Variants in PPEF1 observed in about 807,000 individuals in gnomAD.
PPEF1 encodes the protein protein phosphatase with EF-hand domain 1, also known as serine/threonine-protein phosphatase with EF-hands 1.
PPEF1 carries 12 observed loss-of-function variants against 53.3 expected under a neutral mutation model. That is an observed-to-expected ratio of 0.23 (90% CI 0.14 to 0.36). The LOEUF (loss-of-function observed/expected upper bound fraction) is 0.36. Among genes scored for constraint, PPEF1 ranks in the 10% least tolerant of loss-of-function variants. The pLI, the probability that PPEF1 is intolerant of heterozygous loss-of-function variation, is 1.00. For missense variants in PPEF1, 334 were observed against 490.4 expected (o/e 0.68, Z 3.01); for synonymous variants, 165 against 176.7 (o/e 0.93, Z 0.52).
chrX:18,799,350 G>A (rs753543629), intron 10 of PPEF1, among the ~76,000 whole-genome samples: 1 of 111,599 alleles, frequency 9.0e-6, no homozygotes, highest in East Asian at 2.8e-4. Context: ...AGGTTGCAGT[G>A]AGCTGAGATC....
chrX:18,728,758 G>C (rs1430980981), intron 1 of PPEF1, among the ~76,000 whole-genome samples: 1 of 111,495 alleles, frequency 9.0e-6, no homozygotes, highest in African/African-American at 3.3e-5. Context: ...AGACGACCAG[G>C]TCCTGGGATA....
At chrX:18,755,735 A>G (rs2045535605) in intron 4 of PPEF1, among the ~76,000 whole-genome samples, 2 of 111,242 alleles carry the variant, frequency 1.8e-5, no homozygotes, top group South Asian at 3.8e-4. Context: ...CCCTGGCAAT[A>G]CTAATTTACC....
chrX:18,676,351 CCA>C (rs1396457228), intron 1 of PPEF1, among the ~76,000 whole-genome samples: 3 of 108,421 alleles, frequency 2.8e-5, no homozygotes, highest in African/African-American at 1.0e-4. Flanking sequence ...GTAATCCCCC[CCA>C]CACACACACC....
intron 2 of PPEF1, 101 bp downstream of exon 2, chrX:18,730,409 T>G: frequency 1.0e-6 from 1 of 979,994 alleles, no homozygotes; most frequent in Middle Eastern, 2.8e-4. Flanking sequence ...CTGAGGAAGC[T>G]TGGTGAAAGG....
intron 1 of PPEF1, among the ~76,000 whole-genome samples, chrX:18,714,124 A>G (rs2044388495): frequency 9.0e-6 from 1 of 111,644 alleles, no homozygotes; most frequent in African/African-American, 3.3e-5. Flanking sequence ...TTTCCTGATT[A>G]CTAACCATAT....
rs187995867 is a variant in PPEF1 at position 18,745,427 on chromosome X, T to C, written c.236-4365T>C. On this transcript the variant is annotated intron_variant, in intron 3 of 15. Coordinates refer to ENST00000470157, the MANE Select transcript of PPEF1 (RefSeq NM_001377996.1). ...GGTTTTGCCATGTTGCCCAGGCTTG[T>C]CTCGAACTCCTGGACTCAAGCAATT... Among the ~76,000 whole-genome samples, 727 of 107,383 alleles carry C rather than the reference T, an allele frequency of 6.8e-3. 7 individuals carry two copies. The highest frequency in any genetic ancestry group is 0.023 in the African/African-American group (686 of 29,576). 93.2% of individuals were successfully genotyped at this position (107,383 alleles called of 115,157 possible).
chrX:18,821,815 C>T (rs1019880730), intron 13 of PPEF1, among the ~76,000 whole-genome samples: 3 of 98,851 alleles, frequency 3.0e-5, no homozygotes, highest in Non-Finnish European at 4.0e-5. Flanking sequence ...AAACAAATAA[C>T]CAGTGCAAGT....
At chrX:18,720,005 T>A (rs1291279073) in intron 1 of PPEF1, among the ~76,000 whole-genome samples, 1 of 111,824 alleles carries the variant, frequency 8.9e-6, no homozygotes, top group Non-Finnish European at 1.9e-5. Context: ...ATGAGACAGA[T>A]GAGCACCACA....
chrX:18,728,580 A>G (rs1285585306), intron 1 of PPEF1, among the ~76,000 whole-genome samples: 1 of 111,318 alleles, frequency 9.0e-6, no homozygotes, highest in East Asian at 2.8e-4. Flanking sequence ...TCATTTGTAT[A>G]TTATAACACC....
At chrX:18,764,807 G>A (rs892975013) in intron 6 of PPEF1, among the ~76,000 whole-genome samples, 6 of 111,641 alleles carry the variant, frequency 5.4e-5, no homozygotes, top group Non-Finnish European at 1.1e-4. Context: ...AATCGGGAAC[G>A]TAGTCACTAA....
chrX:18,684,039 C>A (rs1231328961), intron 1 of PPEF1, among the ~76,000 whole-genome samples: 1 of 112,341 alleles, frequency 8.9e-6, no homozygotes, highest in African/African-American at 3.2e-5. Context: ...TCACCCGTAG[C>A]TCTCTCCTGT....
chrX:18,811,501 T>C, intron 12 of PPEF1, among the ~76,000 whole-genome samples: 1 of 109,403 alleles, frequency 9.1e-6, no homozygotes, highest in Non-Finnish European at 1.9e-5. Flanking sequence ...AAATATTATA[T>C]TTCAGGTACA....
At chrX:18,736,393 G>GT (rs2044982159) in intron 3 of PPEF1, among the ~76,000 whole-genome samples, 1 of 112,049 alleles carries the variant, frequency 8.9e-6, no homozygotes, top group African/African-American at 3.2e-5. Context: ...TAATCGTGTG[G>GT]TTTTTGTCTT....
At chrX:18,699,198 C>T (rs1326844030) in intron 5 of PPEF1, among the ~76,000 whole-genome samples, 2 of 111,265 alleles carry the variant, frequency 1.8e-5, no homozygotes. Flanking sequence ...CGTATTGCCT[C>T]ATAATGAGGC....
rs779341402 is a variant in PPEF1 at position 18,805,699 on chromosome X, T to G, written c.1252-704T>G. On this transcript the variant is annotated intron_variant, in intron 11 of 15. Coordinates refer to ENST00000470157, the MANE Select transcript of PPEF1 (RefSeq NM_001377996.1). ...CTCTACTAAAAATACAAAAATTAGC[T>G]GGGCGTGGTGGCACACACCTGTAGT... Among the ~76,000 whole-genome samples the G allele has an allele frequency of 1.6e-4, 17 of 109,477 alleles. No individual in the cohort carries two copies. The South Asian group carries it at 6.4e-3, about 41-fold the overall frequency.
intron 3 of PPEF1, among the ~76,000 whole-genome samples, chrX:18,734,450 G>A (rs781168351): frequency 4.5e-5 from 5 of 110,270 alleles, no homozygotes; most frequent in South Asian, 7.9e-4. Flanking sequence ...CCTACAAAGG[G>A]CATGAACTCA....
intron 6 of PPEF1, among the ~76,000 whole-genome samples, chrX:18,767,226 G>A (rs1005794947): frequency 9.0e-6 from 1 of 111,487 alleles, no homozygotes. Context: ...GGCCAAGAGA[G>A]TTTCAAGTTA....
At chrX:18,782,531 C>T (rs2046108703) in intron 8 of PPEF1, 129 bp downstream of exon 8, 1 of 469,492 alleles carries the variant, frequency 2.1e-6, no homozygotes, top group East Asian at 4.1e-5. Flanking sequence ...AGAATGCATG[C>T]CAATAAAATA....
chrX:18,774,454 G>A (rs1361944056), intron 6 of PPEF1, among the ~76,000 whole-genome samples: 4 of 111,833 alleles, frequency 3.6e-5, no homozygotes, highest in Non-Finnish European at 7.5e-5. Flanking sequence ...TCCTCAGTGG[G>A]GCATGTGGAT....
Sources: gnomAD v4.1 joint callset for allele counts (sites outside exome capture counted in the v4.1 genomes callset) on GRCh38, gnomAD v4.1.1 for gene constraint, MANE v1.5 for transcripts, NCBI Gene and HGNC (gene_info 2026-07-23, HGNC 2026-07-21) for gene names.